The following NPY2R variants were observed in gnomAD, a reference collection of about 807,000 sequenced individuals.
The protein encoded by NPY2R is neuropeptide Y receptor Y2, also known as neuropeptide Y receptor type 2.
In NPY2R, 17 loss-of-function variants were observed where a neutral mutation model predicts 22.3. That is an observed-to-expected ratio of 0.76 (90% CI 0.52 to 1.14). The LOEUF (loss-of-function observed/expected upper bound fraction) is 1.14, where lower values mean the gene tolerates loss of function less well. Among genes scored for constraint, NPY2R ranks in the 50% most tolerant of loss-of-function variants. NPY2R has a pLI of 0.00. For synonymous variants in NPY2R, 209 were observed against 183.4 expected (o/e 1.14, Z -1.13); for missense variants, 424 against 467.9 (o/e 0.91, Z 0.87).
At chr4:155,196,396 T>C in the NPY2R span, among the ~76,000 whole-genome samples, 1 of 151,942 alleles carries the variant, frequency 6.6e-6, no homozygotes, top group Non-Finnish European at 1.5e-5. Flanking sequence ...AGAAAGATGC[T>C]GAAGAGAATG....
chr4:155,183,766 G>C, the NPY2R span, among the ~76,000 whole-genome samples: 1 of 152,132 alleles, frequency 6.6e-6, no homozygotes, highest in African/African-American at 2.4e-5. Flanking sequence ...CTCCTGCTCT[G>C]CACAGTGCTT....
At chr4:155,192,863 G>T in the NPY2R span, among the ~76,000 whole-genome samples, 1 of 151,894 alleles carries the variant, frequency 6.6e-6, no homozygotes, top group Non-Finnish European at 1.5e-5. Context: ...TTCTGTGTAG[G>T]CTGTAGAAGG....
At chr4:155,202,015 C>G in the NPY2R span, among the ~76,000 whole-genome samples, 3 of 152,116 alleles carry the variant, frequency 2.0e-5, no homozygotes, top group Non-Finnish European at 4.4e-5. Flanking sequence ...TTGACATATA[C>G]TCACTATATA....
chr4:155,209,727 A>G (rs1220722070), intron 1 of NPY2R, among the ~76,000 whole-genome samples: 1 of 152,020 alleles, frequency 6.6e-6, no homozygotes, highest in Non-Finnish European at 1.5e-5. Context: ...AGTGTAGGCA[A>G]ATGCAGGGCT....
rs1263076896 is a variant in NPY2R at position 155,216,951 on chromosome 4, T to C, written c.*1866T>C. ...GCTACTGTGTTACATGTTGTATTAG[T>C]AAATTATTAGAATCCAATTAATGAT... On this transcript the variant is annotated 3_prime_UTR_variant, in exon 2 of 2. Coordinates refer to ENST00000329476, the MANE Select transcript of NPY2R (RefSeq NM_000910.4). 1 of 167,088 alleles carries C rather than the reference T, an allele frequency of 6.0e-6. No individual in the cohort carries two copies. Among genetic ancestry groups the C allele is most frequent in the Non-Finnish European group, 1.5e-5 (1 of 68,118 alleles). The allele number at this position is 167,088 out of a possible 1,614,324, so 10.4% of individuals were successfully genotyped here.
chr4:155,186,332 G>A, the NPY2R span, among the ~76,000 whole-genome samples: 2 of 152,114 alleles, frequency 1.3e-5, no homozygotes, highest in East Asian at 1.9e-4. Flanking sequence ...GATTAGTAAA[G>A]CAGTGTAAGA....
At chr4:155,206,016 T>A (rs1390058805), upstream of NPY2R, among the ~76,000 whole-genome samples, 1 of 152,150 alleles carries the variant, frequency 6.6e-6, no homozygotes, top group African/African-American at 2.4e-5. Flanking sequence ...GCCAGCTGAG[T>A]GTACTCTGAG....
chr4:155,180,577 T>C, the NPY2R span, among the ~76,000 whole-genome samples: 1 of 152,150 alleles, frequency 6.6e-6, no homozygotes, highest in Non-Finnish European at 1.5e-5. Context: ...TGATAAACAA[T>C]ACAGTTTTAT....
chr4:155,205,997 T>C (rs72688873), upstream of NPY2R, among the ~76,000 whole-genome samples: 6,049 of 152,240 alleles, frequency 0.04, 183 homozygotes, highest in Non-Finnish European at 0.059. Flanking sequence ...TGAATCAAGA[T>C]TTTTGCAGGC....
At chr4:155,187,148 A>T in the NPY2R span, among the ~76,000 whole-genome samples, 2 of 152,206 alleles carry the variant, frequency 1.3e-5, no homozygotes, top group Non-Finnish European at 2.9e-5. Flanking sequence ...ACAGATGTGC[A>T]GGCACACAGC....
chr4:155,188,760 T>C, the NPY2R span, among the ~76,000 whole-genome samples: 70,759 of 151,844 alleles, frequency 0.47, 17,180 homozygotes, highest in East Asian at 0.68. Context: ...AGCCATCTGA[T>C]CTTTGAAGCT....
At chr4:155,183,692 C>A in the NPY2R span, among the ~76,000 whole-genome samples, 3 of 152,078 alleles carry the variant, frequency 2.0e-5, no homozygotes, top group Non-Finnish European at 4.4e-5. Context: ...AATGAGTGAA[C>A]CATTGGAACC....
the NPY2R span, among the ~76,000 whole-genome samples, chr4:155,200,291 C>A: frequency 5.8e-4 from 88 of 152,236 alleles, no homozygotes; most frequent in Middle Eastern, 3.4e-3. Flanking sequence ...AAATGCAAAT[C>A]AAAACCACAG....
chr4:155,213,322 C>T (rs1157555804), intron 1 of NPY2R, among the ~76,000 whole-genome samples: 1 of 152,172 alleles, frequency 6.6e-6, no homozygotes, highest in Non-Finnish European at 1.5e-5. Flanking sequence ...TATTTTAATA[C>T]TATTTTTAAT....
chr4:155,196,227 C>T, the NPY2R span, among the ~76,000 whole-genome samples: 31 of 151,972 alleles, frequency 2.0e-4, no homozygotes, highest in African/African-American at 7.5e-4. Flanking sequence ...TCTGCTTCTT[C>T]TTTTTTTCCC....
At chr4:155,174,759 A>G in the NPY2R span, among the ~76,000 whole-genome samples, 1 of 151,852 alleles carries the variant, frequency 6.6e-6, no homozygotes, top group Non-Finnish European at 1.5e-5. Flanking sequence ...AGGAAGTGCA[A>G]ATTTGGAGAG....
chr4:155,196,360 C>T, the NPY2R span, among the ~76,000 whole-genome samples: 1 of 151,996 alleles, frequency 6.6e-6, no homozygotes, highest in South Asian at 2.1e-4. Context: ...ACCTTTTAAA[C>T]TTTGAAGGAG....
chr4:155,214,137 T>C lies in NPY2R; in HGVS notation c.198T>C (p.Ile66=). 1 of 1,613,894 alleles carries C rather than the reference T, an allele frequency of 6.2e-7. No homozygotes were observed. Among genetic ancestry groups the C allele is most frequent in the Admixed American group, 1.7e-5 (1 of 60,028 alleles). ...GCTCCATCATCTTGCTTGGGGTAAT[T>C]GGCAACTCCTTGGTGATCCATGTGG... ...AYCSIILLGV[I]GNSLVIHVVI... is the part of the protein sequence containing the mutation. Residue 66 remains isoleucine (I), a synonymous_variant, in exon 2 of 2, where the codon ATT becomes ATC. Coordinates refer to ENST00000329476, the MANE Select transcript of NPY2R (RefSeq NM_000910.4).
the NPY2R span, among the ~76,000 whole-genome samples, chr4:155,198,387 G>A: frequency 6.7e-6 from 1 of 148,854 alleles, no homozygotes; most frequent in African/African-American, 2.5e-5. Flanking sequence ...CACCAAATTG[G>A]TAAATTTCAC....
Sources: gnomAD v4.1 joint callset for allele counts (sites outside exome capture counted in the v4.1 genomes callset) on GRCh38, gnomAD v4.1.1 for gene constraint, MANE v1.5 for transcripts, NCBI Gene and HGNC (gene_info 2026-07-23, HGNC 2026-07-21) for gene names.